The following KLF12 variants were observed in gnomAD, a reference collection of about 807,000 sequenced individuals.
KLF12 encodes the protein Krueppel-like factor 12.
Under a neutral mutation model 37.8 loss-of-function variants are expected in KLF12, and 9 were observed. That is an observed-to-expected ratio of 0.24 (90% CI 0.14 to 0.42). KLF12 has a LOEUF of 0.42. KLF12 is among the 10% of genes least tolerant of loss of function. KLF12 has a pLI of 1.00. For missense variants in KLF12, 411 were observed against 516.0 expected (o/e 0.80, Z 1.97); for synonymous variants, 208 against 202.1 (o/e 1.03, Z -0.25).
At chr13:73,985,146 G>A (rs765999953) in intron 2 of KLF12, among the ~76,000 whole-genome samples, 1 of 152,200 alleles carries the variant, frequency 6.6e-6, no homozygotes, top group African/African-American at 2.4e-5. Context: ...ACATGTCGAC[G>A]AGAGTCTTCA....
At chr13:73,978,544 T>C (rs559015049) in intron 2 of KLF12, among the ~76,000 whole-genome samples, 2 of 152,310 alleles carry the variant, frequency 1.3e-5, no homozygotes, top group South Asian at 4.1e-4. Context: ...GAAGACAGTT[T>C]GTTAGACTCC....
At chr13:74,242,635 A>G in the KLF12 span, among the ~76,000 whole-genome samples, 1 of 152,244 alleles carries the variant, frequency 6.6e-6, no homozygotes, top group African/African-American at 2.4e-5. Flanking sequence ...TAACAAAGTC[A>G]TGAGGCTAGT....
the KLF12 span, among the ~76,000 whole-genome samples, chr13:74,263,829 T>G: frequency 1.3e-5 from 2 of 152,234 alleles, no homozygotes; most frequent in African/African-American, 4.8e-5. Flanking sequence ...ACTCCATGGA[T>G]TCTTGACCAT....
chr13:74,055,747 A>G (rs1873210734), intron 1 of KLF12, among the ~76,000 whole-genome samples: 1 of 152,194 alleles, frequency 6.6e-6, no homozygotes, highest in East Asian at 1.9e-4. Context: ...AAAAACAACC[A>G]ACAACAATTT....
chr13:73,791,304 G>A (rs1351779971), intron 5 of KLF12, among the ~76,000 whole-genome samples: 2 of 152,158 alleles, frequency 1.3e-5, no homozygotes, highest in Admixed American at 6.5e-5. Context: ...ATCTAATGAT[G>A]TATTTGAAAT....
At chr13:74,194,771 G>A in the KLF12 span, among the ~76,000 whole-genome samples, 1 of 152,202 alleles carries the variant, frequency 6.6e-6, no homozygotes, top group Non-Finnish European at 1.5e-5. Flanking sequence ...GCATTCTGAT[G>A]TGTTTGGTTT....
intron 1 of KLF12, among the ~76,000 whole-genome samples, chr13:74,121,564 A>G (rs1877637132): frequency 6.6e-6 from 1 of 152,064 alleles, no homozygotes; most frequent in Non-Finnish European, 1.5e-5. Flanking sequence ...GAAATATAAA[A>G]AATAAAACAC....
chr13:73,876,153 A>T (rs952230937), intron 3 of KLF12, among the ~76,000 whole-genome samples: 2 of 69,424 alleles, frequency 2.9e-5, no homozygotes, highest in African/African-American at 4.4e-5. Flanking sequence ...CAGCTAAAAT[A>T]AAAAAAAAAA....
the KLF12 span, among the ~76,000 whole-genome samples, chr13:74,190,915 T>C: frequency 4.6e-5 from 7 of 152,204 alleles, no homozygotes; most frequent in African/African-American, 1.4e-4. Flanking sequence ...TTCCACTCTG[T>C]TCAAAGACCT....
chr13:73,973,480 C>T (rs530352646), intron 2 of KLF12, among the ~76,000 whole-genome samples: 39 of 152,258 alleles, frequency 2.6e-4, no homozygotes, highest in African/African-American at 9.1e-4. Flanking sequence ...GCACAGAATC[C>T]AGCCCAGCCC....
intron 4 of KLF12, 102 bp downstream of exon 4, chr13:73,845,725 T>G: frequency 9.4e-7 from 1 of 1,063,100 alleles, no homozygotes. Flanking sequence ...TACACAGAAC[T>G]TCTTTAGATG....
intron 6 of KLF12, among the ~76,000 whole-genome samples, chr13:73,745,991 C>T (rs1254081644): frequency 6.6e-6 from 1 of 151,150 alleles, no homozygotes; most frequent in Admixed American, 6.6e-5. Flanking sequence ...TCTCTGGACC[C>T]AGAGAGAAAT....
Position 73,935,758 on chromosome 13 carries a change from G to T in KLF12, c.123+8223C>A, listed in dbSNP as rs4280119. On this transcript the variant is annotated intron_variant, in intron 3 of 7. Transcript: ENST00000377669. ...TCCTCCCATCTCAACCTCCGGAGTA[G>T]CTGGGACTACAGGCATGTGTCACCA... Among the ~76,000 whole-genome samples the T allele has an allele frequency of 2.7e-3, 408 of 152,236 alleles. 7 individuals carry two copies. The highest frequency in any genetic ancestry group is 0.023 in the Admixed American group (351 of 15,296).
the KLF12 span, among the ~76,000 whole-genome samples, chr13:74,210,285 G>A: frequency 6.6e-6 from 1 of 152,078 alleles, no homozygotes; most frequent in African/African-American, 2.4e-5. Flanking sequence ...AAATTATTAT[G>A]GTGAATGAAG....
the KLF12 span, among the ~76,000 whole-genome samples, chr13:74,151,607 C>T: frequency 7.9e-4 from 120 of 152,012 alleles, 1 homozygote; most frequent in Admixed American, 6.5e-4. Context: ...GAGCTGAGAT[C>T]GCACCACTGC....
chr13:73,752,378 G>T (rs541540963), intron 6 of KLF12, among the ~76,000 whole-genome samples: 1 of 149,082 alleles, frequency 6.7e-6, no homozygotes, highest in East Asian at 2.0e-4. Flanking sequence ...TTCATCTCAA[G>T]AACTGTTCTG....
chr13:74,058,024 T>A (rs1306365546), intron 1 of KLF12, among the ~76,000 whole-genome samples: 1 of 150,388 alleles, frequency 6.6e-6, no homozygotes, highest in East Asian at 2.0e-4. Flanking sequence ...TCCAGTGCAG[T>A]GGCATGATCT....
intron 4 of KLF12, among the ~76,000 whole-genome samples, chr13:73,839,694 A>T (rs1884640026): frequency 6.6e-6 from 1 of 152,204 alleles, no homozygotes; most frequent in South Asian, 2.1e-4. Context: ...ATAGAAGCAA[A>T]GTCCTTAATT....
At chr13:73,760,043 T>G (rs777972245) in intron 6 of KLF12, among the ~76,000 whole-genome samples, 1 of 152,112 alleles carries the variant, frequency 6.6e-6, no homozygotes, top group Non-Finnish European at 1.5e-5. Context: ...GCACCATACA[T>G]CCACACTAAA....
Sources: gnomAD v4.1 joint callset for allele counts (sites outside exome capture counted in the v4.1 genomes callset) on GRCh38, gnomAD v4.1.1 for gene constraint, MANE v1.5 for transcripts, NCBI Gene and HGNC (gene_info 2026-07-23, HGNC 2026-07-21) for gene names.